The following STK31 variants were observed in gnomAD, a reference collection of about 807,000 sequenced individuals.
The protein encoded by STK31 is serine/threonine-protein kinase 31.
Under a neutral mutation model 129.7 loss-of-function variants are expected in STK31, and 89 were observed. The ratio of observed to expected loss-of-function variants is 0.69; its 90% CI spans 0.58 to 0.82. The LOEUF is 0.82. STK31 is among the 40% of genes least tolerant of loss of function. The pLI is 0.00. For synonymous variants in STK31, 448 were observed against 395.3 expected (o/e 1.13, Z -1.58); for missense variants, 1,187 against 1,176.4 (o/e 1.01, Z -0.13).
At chr7:23,764,652 T>C (rs1451715106) in intron 11 of STK31, among the ~76,000 whole-genome samples, 1 of 152,188 alleles carries the variant, frequency 6.6e-6, no homozygotes, top group Non-Finnish European at 1.5e-5. Context: ...GCTTAGGTTT[T>C]GGTTGGTTCA....
chr7:23,824,528 ATCATG>A (rs1230737748), intron 23 of STK31, among the ~76,000 whole-genome samples: 1 of 152,158 alleles, frequency 6.6e-6, no homozygotes, highest in East Asian at 1.9e-4. Context: ...TAGATATACA[ATCATG>A]TCATCTGCAA....
chr7:23,813,274 T>G (rs867693895), intron 22 of STK31, among the ~76,000 whole-genome samples: 16 of 152,218 alleles, frequency 1.1e-4, no homozygotes, highest in South Asian at 2.1e-4. Context: ...ACTTTTTTCT[T>G]TGCTGAAATT....
At chr7:23,765,086 C>G (rs935327715) in intron 11 of STK31, among the ~76,000 whole-genome samples, 2 of 151,930 alleles carry the variant, frequency 1.3e-5, no homozygotes, top group Non-Finnish European at 2.9e-5. Context: ...GATGGAGTCT[C>G]GCTCTGTCGC....
At chr7:23,754,605 C>T (rs561309135) in intron 10 of STK31, 131 bp downstream of exon 10, 90 of 982,812 alleles carry the variant, frequency 9.2e-5, no homozygotes, top group East Asian at 1.8e-4. Flanking sequence ...GGTATACATG[C>T]GCCGTGGTAG....
chr7:23,788,517 A>G (rs902805091), intron 21 of STK31, among the ~76,000 whole-genome samples: 1 of 152,232 alleles, frequency 6.6e-6, no homozygotes, highest in South Asian at 2.1e-4. Flanking sequence ...TTTTTGATTA[A>G]TAATGTGCAT....
intron 9 of STK31, among the ~76,000 whole-genome samples, chr7:23,753,266 C>G (rs1162922878): frequency 6.6e-6 from 1 of 152,186 alleles, no homozygotes; most frequent in African/African-American, 2.4e-5. Flanking sequence ...TGCACATTCT[C>G]TCCATATTTG....
intron 8 of STK31, among the ~76,000 whole-genome samples, chr7:23,738,857 T>G (rs1274783474): frequency 6.6e-6 from 1 of 152,190 alleles, no homozygotes; most frequent in Non-Finnish European, 1.5e-5. Flanking sequence ...AGCCCACATT[T>G]TCTTTATCCA....
At position 23,710,341 on chromosome 7, in the gene STK31, T is replaced by C. The variant is rs756234822; in HGVS notation, c.50+6T>C. 6.2e-7 allele frequency: 1 copy of C among 1,613,256 alleles called. No homozygotes were observed. The highest frequency in any genetic ancestry group is 8.5e-7 in the Non-Finnish European group (1 of 1,179,902). On this transcript the variant is annotated splice_donor_region_variant and intron_variant, in intron 1 of 23. Coordinates refer to ENST00000355870, the MANE Select transcript of STK31 (RefSeq NM_031414.5). ...TCCGCAACGGAAAGTGTGAGGTCAG[T>C]AGTAGTTTTTGTGGTACGTGCAGTG...
intron 13 of STK31, 45 bp from the exon 14 acceptor site, chr7:23,770,960 T>C: frequency 1.9e-6 from 3 of 1,556,324 alleles, no homozygotes; most frequent in Non-Finnish European, 2.6e-6. Context: ...TTAGCTGTTT[T>C]GGATATTCCT....
chr7:23,754,378 A>G lies in STK31; in HGVS notation c.1197A>G (p.Glu399=). 4 of 1,614,036 alleles carry G rather than the reference A, an allele frequency of 2.5e-6. No individual in the cohort carries two copies. Among genetic ancestry groups the G allele is most frequent in the Non-Finnish European group, 3.4e-6 (4 of 1,179,962 alleles). The change falls in exon 10 of 24, where the codon GAA becomes GAG. Residue 399 remains glutamate (E), a synonymous_variant. Coordinates refer to ENST00000355870, the MANE Select transcript of STK31 (RefSeq NM_031414.5). ...DLSDAIQVLD[E]GCFTTPASLN... Reference sequence around the variant, plus strand: ...CAGATGCTATACAAGTGTTGGATGAAGGGTGCTTTACTACTCCAGCTTCTT... The same window carrying G: ...CAGATGCTATACAAGTGTTGGATGAGGGGTGCTTTACTACTCCAGCTTCTT...
At chr7:23,786,999 C>T in intron 20 of STK31, 75 bp downstream of exon 20, 4 of 1,398,810 alleles carry the variant, frequency 2.9e-6, no homozygotes, top group South Asian at 1.2e-5. Flanking sequence ...TTCAGGCATA[C>T]TACATGCTAT....
chr7:23,751,946 AT>A (rs1788736859), intron 8 of STK31, among the ~76,000 whole-genome samples: 2 of 134,512 alleles, frequency 1.5e-5, no homozygotes, highest in African/African-American at 2.7e-5. Context: ...CCAAAGTTGA[AT>A]GGTGGTTTCT....
At chr7:23,758,061 A>T (rs1789214019) in intron 10 of STK31, among the ~76,000 whole-genome samples, 1 of 152,222 alleles carries the variant, frequency 6.6e-6, no homozygotes, top group South Asian at 2.1e-4. Context: ...AGGGTTGCAG[A>T]TTAACAGCAT....
intron 13 of STK31, among the ~76,000 whole-genome samples, chr7:23,770,584 G>A (rs1285906922): frequency 6.6e-6 from 1 of 152,042 alleles, no homozygotes; most frequent in Non-Finnish European, 1.5e-5. Flanking sequence ...GGGAATAATG[G>A]TGTAATACGG....
intron 15 of STK31, among the ~76,000 whole-genome samples, chr7:23,780,921 T>C (rs1381352816): frequency 6.6e-6 from 1 of 152,216 alleles, no homozygotes; most frequent in Non-Finnish European, 1.5e-5. Context: ...TTTGGCTTAG[T>C]GATTTAAAGT....
In STK31 at chr7:23,831,984, T is replaced by C; in HGVS notation, c.2830-152T>C. On this transcript the variant is annotated intron_variant, in intron 23 of 23. Transcript: ENST00000355870. ...TTATCGGCTCATTATTTTGGTGTTT[T>C]TTTTTGTTGAGGGGAGTACCAGATA... 3 of 610,530 alleles carry C rather than the reference T, an allele frequency of 4.9e-6. No homozygotes were observed. In the South Asian group the frequency reaches 6.2e-5, roughly 13 times the overall value. The allele number at this position is 610,530 out of a possible 1,614,324, so 37.8% of individuals were successfully genotyped here. A position where few individuals can be genotyped will look rare whatever the true frequency, so the allele number is the denominator to read the frequency against.
At chr7:23,791,084 A>G (rs1031801022) in intron 22 of STK31, 138 bp downstream of exon 22, 1 of 944,772 alleles carries the variant, frequency 1.1e-6, no homozygotes, top group Non-Finnish European at 1.4e-6. Flanking sequence ...AAAACTATTG[A>G]TATGCTTCCT....
At chr7:23,783,464 A>G (rs1266725562) in intron 16 of STK31, 119 bp from the exon 17 acceptor site, 2 of 614,930 alleles carry the variant, frequency 3.3e-6, no homozygotes, top group Non-Finnish European at 5.2e-6. Context: ...AAAATCAGTG[A>G]TTATGTATCT....
At chr7:23,742,570 C>CT (rs1471625293) in intron 8 of STK31, among the ~76,000 whole-genome samples, 1 of 152,222 alleles carries the variant, frequency 6.6e-6, no homozygotes, top group African/African-American at 2.4e-5. Flanking sequence ...AGGGTTTCTC[C>CT]TATAGCCAAT....
Sources: gnomAD v4.1 joint callset for allele counts (sites outside exome capture counted in the v4.1 genomes callset) on GRCh38, gnomAD v4.1.1 for gene constraint, MANE v1.5 for transcripts, NCBI Gene and HGNC (gene_info 2026-07-23, HGNC 2026-07-21) for gene names.